Variants in LILRA5 observed in about 807,000 individuals in gnomAD.
LILRA5 encodes the protein leukocyte immunoglobulin-like receptor subfamily A member 5.
A neutral mutation model predicts 36.3 loss-of-function variants in LILRA5; 31 were observed. That is an observed-to-expected ratio of 0.85 (90% CI 0.64 to 1.15). The LOEUF (loss-of-function observed/expected upper bound fraction) is 1.15, where lower values mean the gene tolerates loss of function less well. Ranked by LOEUF, LILRA5 falls within the 50% of genes most tolerant of loss-of-function variation. The probability of loss-of-function intolerance (pLI) is 0.00; values close to 1 mark genes in which losing one functional copy is unlikely to be tolerated. For synonymous variants in LILRA5, 144 were observed against 144.8 expected (o/e 0.99, Z 0.04); for missense variants, 348 against 377.4 (o/e 0.92, Z 0.64).
chr19:54,312,559 G>A lies in LILRA5; in HGVS notation c.66C>T (p.Ala22=), dbSNP rs757346514. ...QPVGGDAVSP[A]LMVLLCLGLS... ...CACCGAGGCAGAGCAGAACCATGAG[G>A]GCAGGGCTCACGGCGTCTCCTCCCA... The change falls in exon 2 of 7, where the codon GCC becomes GCT. Residue 22 remains alanine (A), a synonymous_variant. Transcript: ENST00000432233. The A allele has an allele frequency of 1.2e-6, 2 of 1,614,102 alleles. No homozygotes were observed. The highest frequency in any genetic ancestry group is 1.3e-5 in the African/African-American group (1 of 74,940).
chr19:54,312,885 G>A (rs1354821011), intron 1 of LILRA5, 132 bp downstream of exon 1: 16 of 1,160,034 alleles, frequency 1.4e-5, no homozygotes, highest in Non-Finnish European at 2.0e-5. Context: ...GGACACAGCA[G>A]CAAATAGACC....
Position 54,311,411 on chromosome 19 carries a change from C to T in LILRA5, c.712+3G>A, listed in dbSNP as rs1419230926. 5 of 1,614,106 alleles carry T rather than the reference C, an allele frequency of 3.1e-6. 1 individual carries two copies. Among genetic ancestry groups the T allele is most frequent in the Non-Finnish European group, 4.2e-6 (5 of 1,180,044 alleles). On this transcript the variant is annotated splice_donor_region_variant and intron_variant, in intron 5 of 6. Coordinates refer to ENST00000432233, the MANE Select transcript of LILRA5 (RefSeq NM_021250.4). ...GTACTAGAGAAGACTGTGGCTTCCT[C>T]ACCTGAGACCGGAATCTCCAGGAGG...
chr19:54,307,395 C>T lies in LILRA5; in HGVS notation c.*18G>A, dbSNP rs2080898308. ...TCCAAGGCTCCAGCATTCAATGGTG[C>T]ATTGTTCTCTCTTCTGTTCACCTTC... On this transcript the variant is annotated 3_prime_UTR_variant, in exon 7 of 7. Coordinates refer to ENST00000432233, the MANE Select transcript of LILRA5 (RefSeq NM_021250.4). 1.9e-6 allele frequency: 3 copies of T among 1,593,946 alleles called. No homozygotes were observed. The highest frequency in any genetic ancestry group is 2.6e-6 in the Non-Finnish European group (3 of 1,170,272).
intron 5 of LILRA5, 169 bp downstream of exon 5, chr19:54,311,245 T>C: frequency 1.3e-6 from 2 of 1,511,274 alleles, no homozygotes; most frequent in African/African-American, 1.4e-5. Flanking sequence ...TGTGAGCCAC[T>C]GTGCCCAGCC....
chr19:54,307,857 C>G, intron 5 of LILRA5, 109 bp from the exon 6 acceptor site: 1 of 888,720 alleles, frequency 1.1e-6, no homozygotes, highest in East Asian at 2.5e-5. Context: ...CTCAACATGA[C>G]TTTTATGGAG....
rs1326397174 is a variant in LILRA5 at position 54,307,687 on chromosome 19, T to G, written c.763+11A>C. ...TGCCAGTTCCATAACTGAGAGCATC[T>G]CCTCACTCACCAGTCCCAGAGTCAG... On this transcript the variant is annotated intron_variant, in intron 6 of 6. Transcript: ENST00000432233. The G allele has an allele frequency of 1.2e-6, 2 of 1,613,940 alleles. No homozygotes were observed. Among genetic ancestry groups the G allele is most frequent in the Non-Finnish European group, 1.7e-6 (2 of 1,179,954 alleles).
intron 1 of LILRA5, 149 bp downstream of exon 1, chr19:54,312,868 A>G: frequency 9.9e-7 from 1 of 1,008,416 alleles, no homozygotes; most frequent in Non-Finnish European, 1.5e-6. Context: ...TATCTCACTG[A>G]GAGCCGGGAC....
intron 5 of LILRA5, chr19:54,308,383 ATATAT>A (rs2080937598): frequency 1.4e-5 from 1 of 72,862 alleles, no homozygotes; most frequent in Non-Finnish European, 2.8e-5. Context: ...ATATATATAT[ATATAT>A]ATATATATAT....
chr19:54,308,839 C>T (rs192795738), intron 5 of LILRA5: 12 of 151,992 alleles, frequency 7.9e-5, no homozygotes, highest in Non-Finnish European at 1.2e-4. Context: ...TGTAGATATA[C>T]GTATAAAAAA....
intron 1 of LILRA5, 124 bp downstream of exon 1, chr19:54,312,893 A>C (rs2081053393): frequency 8.1e-7 from 1 of 1,231,126 alleles, no homozygotes; most frequent in Non-Finnish European, 1.2e-6. Flanking sequence ...CAGCAAATAG[A>C]CCCGGTGCCT....
At chr19:54,312,423 C>A (rs2081041999) in intron 2 of LILRA5, 53 bp from the exon 3 acceptor site, 3 of 1,614,056 alleles carry the variant, frequency 1.9e-6, no homozygotes, top group African/African-American at 1.3e-5. Flanking sequence ...AGCAGGTCCT[C>A]CCCTGCCTGG....
At chr19:54,311,275 C>G (rs912327905) in intron 5 of LILRA5, 139 bp downstream of exon 5, 40 of 1,582,224 alleles carry the variant, frequency 2.5e-5, no homozygotes, top group Non-Finnish European at 3.4e-5. Context: ...TTTTCCTCAC[C>G]CTGAATTTGT....
At chr19:54,311,226 G>A (rs1601183982) in intron 5 of LILRA5, 188 bp downstream of exon 5, 5 of 1,466,198 alleles carry the variant, frequency 3.4e-6, no homozygotes, top group East Asian at 2.5e-5. Context: ...AAAGTGCTGA[G>A]ATTACACGTG....
intron 6 of LILRA5, 44 bp from the exon 7 acceptor site, chr19:54,307,593 A>G: frequency 6.2e-7 from 1 of 1,613,628 alleles, no homozygotes. Context: ...AGGGCAGATC[A>G]GTATCACCCA....
At chr19:54,312,693 A>C in intron 1 of LILRA5, 72 bp from the exon 2 acceptor site, 161 of 1,436,920 alleles carry the variant, frequency 1.1e-4, no homozygotes, top group Middle Eastern at 1.8e-4. Flanking sequence ...GGATTTTCTC[A>C]TTCTCAGCCC....
At chr19:54,312,825 C>G in intron 1 of LILRA5, 192 bp downstream of exon 1, 1 of 808,862 alleles carries the variant, frequency 1.2e-6, no homozygotes, top group Non-Finnish European at 2.0e-6. Flanking sequence ...TGGGGTCTCC[C>G]TTCCCCGGGC....
chr19:54,310,068 A>G, intron 5 of LILRA5: 1 of 295,462 alleles, frequency 3.4e-6, no homozygotes, highest in South Asian at 2.7e-5. Flanking sequence ...CCGAGGCCTG[A>G]GCAGCCTCCT....
chr19:54,307,384 A>T lies in LILRA5; in HGVS notation c.*29T>A. 1.3e-6 allele frequency: 2 copies of T among 1,581,822 alleles called. No individual in the cohort carries two copies. The highest frequency in any genetic ancestry group is 1.7e-6 in the Non-Finnish European group (2 of 1,163,988). On this transcript the variant is annotated 3_prime_UTR_variant, in exon 7 of 7. Transcript: ENST00000432233. Reference sequence around the variant, plus strand: ...TCAGATTCGCTTCCAAGGCTCCAGCATTCAATGGTGCATTGTTCTCTCTTC... The same window carrying T: ...TCAGATTCGCTTCCAAGGCTCCAGCTTTCAATGGTGCATTGTTCTCTCTTC...
At chr19:54,308,354 A>AATATATATATAT (rs60172604) in intron 5 of LILRA5, 2 of 18,504 alleles carry the variant, frequency 1.1e-4, no homozygotes, top group Non-Finnish European at 8.4e-5. Context: ...TGTATATATA[A>AATATATATATAT]ATATATATAT....
Sources: gnomAD v4.1 joint callset for allele counts on GRCh38, gnomAD v4.1.1 for gene constraint, MANE v1.5 for transcripts, NCBI Gene and HGNC (gene_info 2026-07-23, HGNC 2026-07-21) for gene names.